CUX2: variants seen among roughly 807,000 people sequenced by gnomAD.
CUX2 encodes the protein cut like homeobox 2, also known as homeobox protein cut-like 2.
Under a neutral mutation model 144.8 loss-of-function variants are expected in CUX2, and 40 were observed. The ratio of observed to expected loss-of-function variants is 0.28; its 90% CI spans 0.21 to 0.36. CUX2 has a LOEUF of 0.36. Ranked by LOEUF, CUX2 falls within the 10% of genes least tolerant of loss-of-function variation. CUX2 has a pLI of 1.00. For missense variants in CUX2, 1,615 were observed against 1,994.0 expected, an observed-to-expected ratio of 0.81 and a Z score of 3.62; for synonymous variants, 827 against 875.6, an observed-to-expected ratio of 0.94 and a Z score of 0.98.
chr12:111,038,958 A>T (rs1869599395), intron 1 of CUX2, among the ~76,000 whole-genome samples: 1 of 142,574 alleles, frequency 7.0e-6, no homozygotes, highest in Non-Finnish European at 1.6e-5. Flanking sequence ...TTTTTTCCTT[A>T]TTTTTTTTTT....
intron 1 of CUX2, among the ~76,000 whole-genome samples, chr12:111,044,860 C>T (rs1869922060): frequency 6.6e-6 from 1 of 152,198 alleles, no homozygotes; most frequent in Non-Finnish European, 1.5e-5. Context: ...TGGGCACCGG[C>T]CTCAGGCCTG....
Position 111,287,346 on chromosome 12 carries a change from TC to T in CUX2, c.302-4070del, listed in dbSNP as rs559902690. On this transcript the variant is annotated intron_variant, in intron 4 of 21. Transcript: ENST00000261726. The surrounding 1 kb of genome is among the most constrained non-coding windows in gnomAD (Gnocchi z 4.2). ...GCAAGCCCTCCGTGGCCCTGCGCAGTCCGCGTGGCACCGCACCGTCTTGTGT... is the reference window on the plus strand; with the variant it reads ...GCAAGCCCTCCGTGGCCCTGCGCAGTCGCGTGGCACCGCACCGTCTTGTGT... Among the ~76,000 whole-genome samples the T allele has an allele frequency of 7.3e-3, 1,109 of 152,358 alleles. 31 individuals carry two copies. The highest frequency in any genetic ancestry group is 3.7e-3 in the Non-Finnish European group (254 of 68,034).
Position 111,277,456 on chromosome 12 carries a change from C to T in CUX2, c.301+13617C>T, listed in dbSNP as rs1368689926. On this transcript the variant is annotated intron_variant, in intron 4 of 21. Coordinates refer to ENST00000261726, the MANE Select transcript of CUX2 (RefSeq NM_015267.4). This position sits in a 1 kb window ranked among gnomAD's most constrained non-coding sequence, Gnocchi z 5.0. The stretch of plus-strand genomic sequence containing the variant: ...TGTCTAGTATACTCCCCCGCGACCC[C>T]CCTGCTAGCTGCCTCATTAGGGCTC... Among the ~76,000 whole-genome samples, 1 of 152,034 alleles carries T rather than the reference C, an allele frequency of 6.6e-6. No individual in the cohort carries two copies. The highest frequency in any genetic ancestry group is 1.5e-5 in the Non-Finnish European group (1 of 68,026).
At chr12:111,212,791 C>T (rs541719842) in intron 1 of CUX2, among the ~76,000 whole-genome samples, 16 of 152,322 alleles carry the variant, frequency 1.1e-4, no homozygotes, top group Admixed American at 1.0e-3. Context: ...ACACTCATCC[C>T]AGCTTGGGGT....
intron 20 of CUX2, 141 bp from the exon 21 acceptor site, chr12:111,341,639 G>C: frequency 1.1e-6 from 1 of 948,390 alleles, no homozygotes; most frequent in Non-Finnish European, 1.6e-6. Flanking sequence ...GAGAAAGGCT[G>C]GGGGGCGGGC....
rs1307753631 is a variant in CUX2 at position 111,035,549 on chromosome 12, C to T, written c.63+1309C>T. The stretch of plus-strand genomic sequence containing the variant: ...CGGATAACAGGGCGGTTAGAGCATC[C>T]TGCCTTGACCGTGACATTCGCGGAA... On this transcript the variant is annotated intron_variant, in intron 1 of 21. Transcript: ENST00000261726. This position sits in a 1 kb window ranked among gnomAD's most constrained non-coding sequence, Gnocchi z 6.0. Among the ~76,000 whole-genome samples, 1 of 151,216 alleles carries T rather than the reference C, an allele frequency of 6.6e-6. No individual in the cohort carries two copies. The highest frequency in any genetic ancestry group is 2.4e-5 in the African/African-American group (1 of 41,090).
intron 1 of CUX2, among the ~76,000 whole-genome samples, chr12:111,191,321 ATTTAT>A (rs930653671): frequency 6.8e-6 from 1 of 146,952 alleles, no homozygotes; most frequent in Non-Finnish European, 1.5e-5. Context: ...TTATTTATTT[ATTTAT>A]TTATTTATTT....
intron 1 of CUX2, among the ~76,000 whole-genome samples, chr12:111,055,431 A>G (rs2136015671): frequency 6.6e-6 from 1 of 152,328 alleles, no homozygotes; most frequent in Middle Eastern, 3.4e-3. Context: ...CGGCCCTCGG[A>G]GGATATCCTC....
At chr12:111,331,484 G>T (rs570080490) in intron 18 of CUX2, among the ~76,000 whole-genome samples, 1 of 152,030 alleles carries the variant, frequency 6.6e-6, no homozygotes, top group East Asian at 1.9e-4. Context: ...TGCCTCCCTG[G>T]GGATGCTCCC....
At chr12:111,281,623 GC>G (rs1269295608) in intron 4 of CUX2, among the ~76,000 whole-genome samples, 1 of 152,218 alleles carries the variant, frequency 6.6e-6, no homozygotes, top group African/African-American at 2.4e-5. Flanking sequence ...GGACTCAGGT[GC>G]CCTGAGGATC....
chr12:111,296,726 A>G (rs1886020663), intron 8 of CUX2, among the ~76,000 whole-genome samples, 187 bp downstream of exon 8: 1 of 124,688 alleles, frequency 8.0e-6, no homozygotes, highest in Admixed American at 7.7e-5. Flanking sequence ...TGGCCCTCCC[A>G]GAGAGGCCTC....
At chr12:111,266,530 A>T (rs887261937) in intron 4 of CUX2, among the ~76,000 whole-genome samples, 1 of 152,070 alleles carries the variant, frequency 6.6e-6, no homozygotes, top group African/African-American at 2.4e-5. Flanking sequence ...AAAGCTGTGT[A>T]AAAACAGAGG....
intron 15 of CUX2, among the ~76,000 whole-genome samples, chr12:111,311,125 G>A (rs1886875981): frequency 6.6e-6 from 1 of 152,208 alleles, no homozygotes; most frequent in Admixed American, 6.5e-5. Context: ...CCCACTGGGT[G>A]ACCTCAGACA....
intron 4 of CUX2, among the ~76,000 whole-genome samples, chr12:111,276,057 T>A (rs1347934867): frequency 6.6e-6 from 1 of 152,144 alleles, no homozygotes; most frequent in Non-Finnish European, 1.5e-5. Context: ...TATATATTTT[T>A]AAAAAGTGAG....
At chr12:111,276,228 C>G (rs1309171778) in intron 4 of CUX2, among the ~76,000 whole-genome samples, 2 of 152,090 alleles carry the variant, frequency 1.3e-5, no homozygotes, top group East Asian at 3.9e-4. Context: ...TGACGCGTGC[C>G]TGTAGTCCTA....
intron 1 of CUX2, among the ~76,000 whole-genome samples, chr12:111,156,985 C>CAAAAAAAAAAAAAAAA (rs1200398908): frequency 5.3e-5 from 1 of 18,992 alleles, no homozygotes; most frequent in Admixed American, 6.4e-4. Context: ...AAACTTCTCT[C>CAAAAAAAAAAAAAAAA]AAAAAAAAAA....
At chr12:111,275,684 C>T (rs1884839953) in intron 4 of CUX2, among the ~76,000 whole-genome samples, 1 of 152,172 alleles carries the variant, frequency 6.6e-6, no homozygotes, top group African/African-American at 2.4e-5. Context: ...GTGCGGAGTC[C>T]ACATGATACT....
At chr12:111,243,374 A>G (rs552302353) in intron 3 of CUX2, among the ~76,000 whole-genome samples, 24 of 152,260 alleles carry the variant, frequency 1.6e-4, no homozygotes, top group African/African-American at 5.8e-4. Context: ...CAAAATTTTA[A>G]TAGTACTTTC....
intron 1 of CUX2, among the ~76,000 whole-genome samples, chr12:111,176,269 A>G (rs112132408): frequency 0.015 from 2,276 of 149,500 alleles, 52 homozygotes; most frequent in African/African-American, 0.052. Context: ...CTGGTCTTGA[A>G]CTCCTGGCCT....
Sources: allele counts gnomAD v4.1 joint callset (sites outside exome capture counted in the v4.1 genomes callset), GRCh38; gene constraint gnomAD v4.1.1; non-coding constraint Gnocchi (gnomAD v3.1); transcripts MANE v1.5; gene names NCBI Gene and HGNC (gene_info 2026-07-23, HGNC 2026-07-21).